RASEF: variants seen among roughly 807,000 people sequenced by gnomAD.
RASEF encodes RAS and EF-hand domain containing.
A neutral mutation model predicts 90.1 loss-of-function variants in RASEF; 68 were observed. The observed-to-expected ratio is 0.75, with a 90% CI of 0.62 to 0.92. The LOEUF is 0.92. RASEF is among the 40% of genes least tolerant of loss of function. RASEF has a pLI of 0.00. For missense variants in RASEF, 949 were observed against 937.2 expected (o/e 1.01, Z -0.16); for synonymous variants, 331 against 345.2 (o/e 0.96, Z 0.46).
chr9:83,048,624 T>A (rs993915594), intron 1 of RASEF: 1 of 985,350 alleles, frequency 1.0e-6, no homozygotes, highest in South Asian at 4.7e-5. Flanking sequence ...GAGTTTCTTC[T>A]GTGGGAAAAT....
the RASEF span, among the ~76,000 whole-genome samples, chr9:83,150,667 G>A: frequency 4.7e-4 from 72 of 152,018 alleles, no homozygotes; most frequent in Middle Eastern, 3.4e-3. Context: ...ACTAAAATGA[G>A]CACACACCAA....
At chr9:83,018,045 G>A (rs191485705) in intron 3 of RASEF, among the ~76,000 whole-genome samples, 1 of 152,198 alleles carries the variant, frequency 6.6e-6, no homozygotes, top group Non-Finnish European at 1.5e-5. Flanking sequence ...GAACAGAAGG[G>A]ACTCTACTGC....
chr9:83,207,391 C>T, the RASEF span, among the ~76,000 whole-genome samples: 2 of 152,166 alleles, frequency 1.3e-5, no homozygotes, highest in Non-Finnish European at 2.9e-5. Context: ...CAGGTGGTGG[C>T]AACTGGTGAA....
intron 1 of RASEF, among the ~76,000 whole-genome samples, chr9:83,031,978 T>C (rs1007798084): frequency 1.3e-5 from 2 of 152,028 alleles, no homozygotes; most frequent in African/African-American, 4.8e-5. Context: ...TCACACCTGA[T>C]AGGAAAAGGA....
At chr9:83,157,004 G>A in the RASEF span, among the ~76,000 whole-genome samples, 11 of 152,182 alleles carry the variant, frequency 7.2e-5, no homozygotes, top group Non-Finnish European at 1.2e-4. Context: ...ACAGCATGGA[G>A]GATACTTGCT....
At chr9:83,008,627 G>C (rs1564075513) in intron 6 of RASEF, among the ~76,000 whole-genome samples, 1 of 152,014 alleles carries the variant, frequency 6.6e-6, no homozygotes. Context: ...CCAGCTCTGA[G>C]TTGCTGATGT....
chr9:83,121,396 A>G, the RASEF span, among the ~76,000 whole-genome samples: 1 of 152,024 alleles, frequency 6.6e-6, no homozygotes, highest in Non-Finnish European at 1.5e-5. Flanking sequence ...ATAGGGAGGG[A>G]ATCTATTGCT....
intron 1 of RASEF, among the ~76,000 whole-genome samples, chr9:83,027,202 T>A (rs1489900148): frequency 2.6e-5 from 4 of 152,212 alleles, no homozygotes; most frequent in Non-Finnish European, 4.4e-5. Context: ...AGTATGTTCA[T>A]CAACCCAGCA....
the RASEF span, among the ~76,000 whole-genome samples, chr9:83,077,786 A>G: frequency 6.6e-6 from 1 of 152,208 alleles, no homozygotes; most frequent in Non-Finnish European, 1.5e-5. Flanking sequence ...GGATAATACC[A>G]TGACACGTTA....
chr9:83,183,321 C>T, the RASEF span, among the ~76,000 whole-genome samples: 9 of 151,748 alleles, frequency 5.9e-5, no homozygotes, highest in Non-Finnish European at 1.0e-4. Context: ...AAAATTCCTA[C>T]ATACTCTGTA....
intron 1 of RASEF, chr9:83,055,646 C>A (rs140862023): frequency 1.4e-6 from 1 of 718,062 alleles, no homozygotes. Context: ...AGATGCCTCA[C>A]GAACACAAAT....
upstream of RASEF, among the ~76,000 whole-genome samples, chr9:83,066,881 G>A (rs749926262): frequency 5.3e-5 from 8 of 152,142 alleles, no homozygotes; most frequent in Admixed American, 1.3e-4. Flanking sequence ...GTTTGGTTTG[G>A]TTTCAATTTC....
chr9:83,000,296 G>A lies in RASEF; in HGVS notation c.1596C>T (p.Asn532=), dbSNP rs185100986. ...CCTTCTGTGAGCTAAAAGATTTAGCGTTGTCATCTACCAGGTCTGTCTGGG... is the reference window on the plus strand; with the variant it reads ...CCTTCTGTGAGCTAAAAGATTTAGCATTGTCATCTACCAGGTCTGTCTGGG... ...LSPQTDLVDD[N]AKSFSSQKAY... Residue 532 remains asparagine, a synonymous_variant, in exon 12 of 17, where the codon AAC becomes AAT. Transcript: ENST00000376447. 203 of 1,613,894 alleles carry A rather than the reference G, an allele frequency of 1.3e-4. No individual in the cohort carries two copies. In the East Asian group the frequency reaches 3.6e-3, roughly 28 times the overall value.
chr9:83,124,744 C>A, the RASEF span, among the ~76,000 whole-genome samples: 5 of 152,114 alleles, frequency 3.3e-5, no homozygotes, highest in African/African-American at 1.2e-4. Flanking sequence ...TTTCTTTTCT[C>A]TGGTCAGCTT....
chr9:83,012,502 G>A lies in RASEF; in HGVS notation c.775C>T (p.Gln259Ter). ...TIKKLRKLEE[Q>*]SKRVSQKEDV... The stretch of plus-strand genomic sequence containing the variant: ...TCCTTTTGACTTACGCGTTTTGATT[G>A]TTCTTCGAGCTGAAAGACCAAATAA... The change falls in exon 5 of 17, where the codon CAA becomes TAA. Residue 259 changes from glutamine (Q) to a stop codon, truncating the protein, a stop_gained. Transcript: ENST00000376447. LOFTEE classifies it high-confidence loss of function. 6.3e-7 allele frequency: 1 copy of A among 1,580,388 alleles called. No homozygotes were observed. The highest frequency in any genetic ancestry group is 8.6e-7 in the Non-Finnish European group (1 of 1,163,580).
intron 13 of RASEF, among the ~76,000 whole-genome samples, chr9:82,997,897 A>G (rs1828950805): frequency 1.3e-5 from 2 of 152,204 alleles, no homozygotes; most frequent in Non-Finnish European, 1.5e-5. Flanking sequence ...AACAAGATTA[A>G]AATCTGTGCT....
the RASEF span, among the ~76,000 whole-genome samples, chr9:83,147,040 G>GTATA: frequency 2.7e-3 from 394 of 143,706 alleles, 2 homozygotes; most frequent in African/African-American, 7.5e-3. Context: ...ATATATATAT[G>GTATA]TATATATATA....
intron 8 of RASEF, among the ~76,000 whole-genome samples, chr9:83,005,190 C>A (rs778392185): frequency 6.6e-6 from 1 of 152,170 alleles, no homozygotes; most frequent in Non-Finnish European, 1.5e-5. Flanking sequence ...ATTCCTAGAA[C>A]ATCTATAAAA....
At chr9:83,174,548 T>C in the RASEF span, among the ~76,000 whole-genome samples, 2 of 152,196 alleles carry the variant, frequency 1.3e-5, no homozygotes, top group Non-Finnish European at 2.9e-5. Flanking sequence ...TTATTATAGC[T>C]TTGTAGTAAG....
Sources: allele counts gnomAD v4.1 joint callset (sites outside exome capture counted in the v4.1 genomes callset), GRCh38; gene constraint gnomAD v4.1.1; transcripts MANE v1.5; gene names NCBI Gene and HGNC (gene_info 2026-07-23, HGNC 2026-07-21).